PPP3CC: variants seen among roughly 807,000 people sequenced by gnomAD.
The protein encoded by PPP3CC is protein phosphatase 3 catalytic subunit gamma.
Under a neutral mutation model 60.3 loss-of-function variants are expected in PPP3CC, and 35 were observed. The observed-to-expected ratio is 0.58, with a 90% confidence interval of 0.44 to 0.77. The LOEUF is 0.77. PPP3CC is among the 30% of genes least tolerant of loss of function. The probability of loss-of-function intolerance (pLI) is 0.00; values close to 1 mark genes in which losing one functional copy is unlikely to be tolerated. For missense variants in PPP3CC, 570 were observed against 628.9 expected, an observed-to-expected ratio of 0.91 and a Z score of 1.00; for synonymous variants, 206 against 224.3, an observed-to-expected ratio of 0.92 and a Z score of 0.73.
At chr8:22,498,522 GTCTTCCATTCTTTTTTA>G (rs1361367492) in intron 4 of PPP3CC, among the ~76,000 whole-genome samples, 2 of 152,016 alleles carry the variant, frequency 1.3e-5, no homozygotes, top group Non-Finnish European at 2.9e-5. Flanking sequence ...TTGAAATATG[GTCTTCCATTCTTTTTTA>G]TTATTATGAA....
chr8:22,475,420 A>G lies in PPP3CC; in HGVS notation c.248-80A>G. On this transcript the variant is annotated intron_variant, in intron 2 of 13. Coordinates refer to ENST00000240139, the MANE Select transcript of PPP3CC (RefSeq NM_005605.5). ...GCTGGAGTGATTTAAGTTAGAAGTT[A>G]AACTGTGATCCCTTTTGGTGTAATG... 2.1e-6 allele frequency: 3 copies of G among 1,443,756 alleles called. No homozygotes were observed. The South Asian group carries it at 4.1e-5, about 19-fold the overall frequency. The allele number at this position is 1,443,756 out of a possible 1,614,324, so 89.4% of individuals were successfully genotyped here.
At chr8:22,457,921 G>A (rs551526432) in intron 1 of PPP3CC, among the ~76,000 whole-genome samples, 6 of 152,038 alleles carry the variant, frequency 3.9e-5, no homozygotes, top group East Asian at 2.0e-4. Flanking sequence ...GTGAAACCCC[G>A]TCTCTACTAA....
chr8:22,472,078 A>G (rs1171008485), intron 1 of PPP3CC, among the ~76,000 whole-genome samples: 1 of 152,092 alleles, frequency 6.6e-6, no homozygotes, highest in Non-Finnish European at 1.5e-5. Flanking sequence ...GCAGTGAGCC[A>G]TGGTAGTGCC....
chr8:22,529,284 T>C (rs1484683679), intron 10 of PPP3CC, among the ~76,000 whole-genome samples: 1 of 152,236 alleles, frequency 6.6e-6, no homozygotes, highest in Non-Finnish European at 1.5e-5. Flanking sequence ...ATACAGCCTC[T>C]AGAAAGGCTG....
At chr8:22,523,206 T>G (rs1041826115) in intron 8 of PPP3CC, among the ~76,000 whole-genome samples, 2 of 152,138 alleles carry the variant, frequency 1.3e-5, no homozygotes, top group South Asian at 2.1e-4. Context: ...AAAAAAAACC[T>G]TCATTTTTAG....
At chr8:22,525,643 G>A (rs764000660) in intron 8 of PPP3CC, among the ~76,000 whole-genome samples, 5 of 150,768 alleles carry the variant, frequency 3.3e-5, no homozygotes, top group South Asian at 2.1e-4. Context: ...CTGCAGCCTC[G>A]ACTTCCTGGG....
At chr8:22,532,852 T>C in intron 11 of PPP3CC, 69 bp from the exon 12 acceptor site, 1 of 1,102,074 alleles carries the variant, frequency 9.1e-7, no homozygotes, top group Non-Finnish European at 1.3e-6. Flanking sequence ...CTTCACTTCC[T>C]TCAATATCTT....
chr8:22,467,080 C>T (rs1244180338), intron 1 of PPP3CC, among the ~76,000 whole-genome samples: 1 of 152,082 alleles, frequency 6.6e-6, no homozygotes, highest in African/African-American at 2.4e-5. Context: ...AAATGTGCTA[C>T]AGACATTGTA....
At chr8:22,511,325 T>C in intron 5 of PPP3CC, 94 bp downstream of exon 5, 1 of 1,347,852 alleles carries the variant, frequency 7.4e-7, no homozygotes, top group Non-Finnish European at 1.0e-6. Context: ...AGTCTCTCTC[T>C]TTCACCCGGG....
chr8:22,540,473 A>G, intron 13 of PPP3CC, 142 bp from the exon 14 acceptor site: 1 of 772,608 alleles, frequency 1.3e-6, no homozygotes, highest in Non-Finnish European at 2.0e-6. Context: ...GACATTGCCC[A>G]TGACTTTCAC....
At chr8:22,540,315 G>C (rs955122640) in intron 13 of PPP3CC, among the ~76,000 whole-genome samples, 3 of 152,176 alleles carry the variant, frequency 2.0e-5, no homozygotes, top group African/African-American at 7.2e-5. Flanking sequence ...TAAAGGTACT[G>C]GGGCCCAGTA....
rs117302411 is a variant in PPP3CC, at chr8:22,531,516, G to A, written c.1142-709G>A. On this transcript the variant is annotated intron_variant, in intron 10 of 13. Coordinates refer to ENST00000240139, the MANE Select transcript of PPP3CC (RefSeq NM_005605.5). ...CAGGGTGCTGAGGGTTGGATGTGAGGAAGGAGAGGCCATGTTTCTTTTTCT... is the reference window on the plus strand; with the variant it reads ...CAGGGTGCTGAGGGTTGGATGTGAGAAAGGAGAGGCCATGTTTCTTTTTCT... Among the ~76,000 whole-genome samples the A allele has an allele frequency of 8.7e-3, 1,322 of 152,304 alleles. 8 individuals carry two copies. Among genetic ancestry groups the A allele is most frequent in the Middle Eastern group, 0.014 (4 of 294 alleles).
intron 1 of PPP3CC, among the ~76,000 whole-genome samples, chr8:22,442,815 T>C (rs961118606): frequency 6.6e-6 from 1 of 152,250 alleles, no homozygotes; most frequent in Non-Finnish European, 1.5e-5. Context: ...ATTTCTGTAC[T>C]GTGCTGTTAA....
intron 3 of PPP3CC, among the ~76,000 whole-genome samples, chr8:22,480,300 TTA>T (rs1397395561): frequency 6.6e-6 from 1 of 152,144 alleles, no homozygotes; most frequent in Non-Finnish European, 1.5e-5. Context: ...TTTGAAACAT[TTA>T]TGTTAACAAC....
chr8:22,530,700 C>T (rs1839685993), intron 10 of PPP3CC, among the ~76,000 whole-genome samples: 1 of 150,992 alleles, frequency 6.6e-6, no homozygotes, highest in South Asian at 2.1e-4. Context: ...GGTGTGGTGG[C>T]ACACACCTGT....
chr8:22,525,627 G>A (rs1839539502), intron 8 of PPP3CC, among the ~76,000 whole-genome samples: 1 of 150,238 alleles, frequency 6.7e-6, no homozygotes, highest in South Asian at 2.1e-4. Context: ...GCAGGAACTT[G>A]ATTCACTGCA....
At chr8:22,525,408 G>A (rs1839513581) in intron 8 of PPP3CC, among the ~76,000 whole-genome samples, 1 of 151,538 alleles carries the variant, frequency 6.6e-6, no homozygotes, top group African/African-American at 2.4e-5. Context: ...TTCTACTGTT[G>A]CTCTTCTTTC....
At chr8:22,517,375 CATA>C (rs1288481200) in intron 6 of PPP3CC, among the ~76,000 whole-genome samples, 21 of 152,074 alleles carry the variant, frequency 1.4e-4, no homozygotes. Flanking sequence ...ATGCTGGCCT[CATA>C]ATGTGAGTTT....
chr8:22,469,697 C>T (rs1326069255), intron 1 of PPP3CC, among the ~76,000 whole-genome samples: 1 of 152,020 alleles, frequency 6.6e-6, no homozygotes, highest in Admixed American at 6.6e-5. Flanking sequence ...AGCCAACAGC[C>T]AGTATTAACC....
Sources: gnomAD v4.1 joint callset for allele counts (sites outside exome capture counted in the v4.1 genomes callset) on GRCh38, gnomAD v4.1.1 for gene constraint, MANE v1.5 for transcripts, NCBI Gene and HGNC (gene_info 2026-07-23, HGNC 2026-07-21) for gene names.